Variants in DIRAS2 observed in about 807,000 individuals in gnomAD.
The protein encoded by DIRAS2 is DIRAS family GTPase 2.
DIRAS2 carries 5 observed loss-of-function variants against 13.9 expected under a neutral mutation model. The ratio of observed to expected loss-of-function variants is 0.36; its 90% CI spans 0.19 to 0.76. The LOEUF is 0.76. Ranked by LOEUF, DIRAS2 falls within the 30% of genes least tolerant of loss-of-function variation. DIRAS2 has a pLI of 0.53. For synonymous variants in DIRAS2, 111 were observed against 105.4 expected (o/e 1.05, Z -0.33); for missense variants, 191 against 263.0 (o/e 0.73, Z 1.89).
intron 1 of DIRAS2, among the ~76,000 whole-genome samples, chr9:90,641,434 A>G (rs1439186261): frequency 6.6e-6 from 1 of 152,116 alleles, no homozygotes; most frequent in East Asian, 1.9e-4. Flanking sequence ...ATTAAATGCC[A>G]TATGTTAAAT....
At chr9:90,620,280 TA>T (rs1825208003) in intron 1 of DIRAS2, among the ~76,000 whole-genome samples, 1 of 152,170 alleles carries the variant, frequency 6.6e-6, no homozygotes, top group Non-Finnish European at 1.5e-5. Context: ...TTCACACATA[TA>T]GAGCATCAGG....
intron 1 of DIRAS2, among the ~76,000 whole-genome samples, chr9:90,638,661 T>TGC (rs990520291): frequency 2.1e-5 from 3 of 145,624 alleles, no homozygotes; most frequent in Non-Finnish European, 4.6e-5. Flanking sequence ...TGTGTGTGTG[T>TGC]GCACGTAATT....
chr9:90,614,084 C>G (rs1825142973), intron 1 of DIRAS2, among the ~76,000 whole-genome samples: 1 of 152,102 alleles, frequency 6.6e-6, no homozygotes, highest in Admixed American at 6.6e-5. Flanking sequence ...TTTATTGGAC[C>G]ATGACAATGA....
intron 1 of DIRAS2, among the ~76,000 whole-genome samples, chr9:90,622,844 C>T (rs552243545): frequency 2.0e-5 from 3 of 152,122 alleles, no homozygotes; most frequent in South Asian, 2.1e-4. Context: ...GAGGGCTGGG[C>T]GGGGAGAGAC....
At chr9:90,638,458 T>C (rs767553336) in intron 1 of DIRAS2, among the ~76,000 whole-genome samples, 1 of 152,222 alleles carries the variant, frequency 6.6e-6, no homozygotes, top group Non-Finnish European at 1.5e-5. Flanking sequence ...CTAATGTCAG[T>C]TTTACATTTT....
At chr9:90,624,889 C>T (rs80145145) in intron 1 of DIRAS2, among the ~76,000 whole-genome samples, 2,395 of 152,222 alleles carry the variant, frequency 0.016, 70 homozygotes, top group African/African-American at 0.055. Context: ...AGCCTCCCGA[C>T]GTGTTGGGCT....
At chr9:90,630,691 C>T (rs1825317061) in intron 1 of DIRAS2, among the ~76,000 whole-genome samples, 1 of 152,150 alleles carries the variant, frequency 6.6e-6, no homozygotes, top group African/African-American at 2.4e-5. Flanking sequence ...TTCTTTTATA[C>T]AAAAAGCGCT....
At chr9:90,630,760 G>A (rs1825317591) in intron 1 of DIRAS2, among the ~76,000 whole-genome samples, 1 of 152,220 alleles carries the variant, frequency 6.6e-6, no homozygotes, top group Non-Finnish European at 1.5e-5. Flanking sequence ...CTATATAGCA[G>A]AGCAGGTATT....
At chr9:90,625,632 G>A (rs1020525319) in intron 1 of DIRAS2, among the ~76,000 whole-genome samples, 15 of 152,226 alleles carry the variant, frequency 9.9e-5, no homozygotes, top group African/African-American at 3.6e-4. Context: ...CAACTATAAA[G>A]GTGAGTTTAT....
chr9:90,637,061 C>T (rs1488396671), intron 1 of DIRAS2, among the ~76,000 whole-genome samples: 4 of 152,204 alleles, frequency 2.6e-5, no homozygotes, highest in African/African-American at 9.6e-5. Flanking sequence ...GGCTCACTGC[C>T]ACTGCCCAGC....
At chr9:90,629,760 T>C (rs1178379055) in intron 1 of DIRAS2, among the ~76,000 whole-genome samples, 1 of 152,226 alleles carries the variant, frequency 6.6e-6, no homozygotes, top group African/African-American at 2.4e-5. Context: ...TAAATAGCTG[T>C]TATGCTGCAT....
intron 1 of DIRAS2, among the ~76,000 whole-genome samples, chr9:90,632,593 T>A (rs1432376137): frequency 6.6e-6 from 1 of 152,230 alleles, no homozygotes; most frequent in Non-Finnish European, 1.5e-5. Context: ...TTAAAAAATT[T>A]GTGTTTAATT....
intron 1 of DIRAS2, among the ~76,000 whole-genome samples, chr9:90,631,766 G>A (rs771083810): frequency 2.0e-5 from 3 of 152,062 alleles, no homozygotes; most frequent in Admixed American, 6.5e-5. Context: ...TAAAACTGCC[G>A]GCTCATATAC....
rs568935862 is a variant in DIRAS2, at chr9:90,622,845, G to A, written c.-36-8982C>T. Among the ~76,000 whole-genome samples, 9 of 152,234 alleles carry A rather than the reference G, an allele frequency of 5.9e-5. No individual in the cohort carries two copies. The East Asian group carries it at 1.3e-3, about 23-fold the overall frequency. On this transcript the variant is annotated intron_variant, in intron 1 of 1. Coordinates refer to ENST00000375765, the MANE Select transcript of DIRAS2 (RefSeq NM_017594.5). ...CGAAATTGCTTTTTGAGGGCTGGGC[G>A]GGGAGAGACGGGATAAAAACCCAAT...
In DIRAS2 at chr9:90,613,643, G is replaced by GT. The variant is rs779105115; in HGVS notation, c.184dup (p.Thr62AsnfsTer63). On this transcript the variant is annotated frameshift_variant, in exon 2 of 2. Transcript: ENST00000375765. LOFTEE classifies it high-confidence loss of function. This position sits in a 1 kb window ranked among gnomAD's most constrained non-coding sequence, Gnocchi z 5.6. ...GGCCGGGAACTGGTGGCTCCCCGTCGTGTCGGTGATCTGCAATGTGCATAT... is the reference window on the plus strand; with the variant it reads ...GGCCGGGAACTGGTGGCTCCCCGTCGTTGTCGGTGATCTGCAATGTGCATAT... The GT allele has an allele frequency of 6.2e-7, 1 of 1,614,146 alleles. No individual in the cohort carries two copies. The highest frequency in any genetic ancestry group is 1.1e-5 in the South Asian group (1 of 91,082).
intron 1 of DIRAS2, among the ~76,000 whole-genome samples, chr9:90,627,959 C>T (rs1825287326): frequency 6.6e-6 from 1 of 151,860 alleles, no homozygotes; most frequent in Non-Finnish European, 1.5e-5. Flanking sequence ...AGCAAACCAC[C>T]ATGGCACGTG....
At chr9:90,632,784 G>T (rs1312539364) in intron 1 of DIRAS2, among the ~76,000 whole-genome samples, 1 of 152,184 alleles carries the variant, frequency 6.6e-6, no homozygotes, top group Non-Finnish European at 1.5e-5. Context: ...ACTTGCCTTA[G>T]GCCAGAACAA....
chr9:90,618,069 C>T (rs781139590), intron 1 of DIRAS2, among the ~76,000 whole-genome samples: 10 of 152,040 alleles, frequency 6.6e-5, no homozygotes, highest in Non-Finnish European at 1.0e-4. Context: ...AAACCGATCC[C>T]AAAATTTATG....
chr9:90,632,091 T>C (rs1469550572), intron 1 of DIRAS2, among the ~76,000 whole-genome samples: 1 of 152,208 alleles, frequency 6.6e-6, no homozygotes, highest in Non-Finnish European at 1.5e-5. Context: ...ATCACTTACC[T>C]GCATGACTGC....
Sources: gnomAD v4.1 joint callset for allele counts (sites outside exome capture counted in the v4.1 genomes callset) on GRCh38, gnomAD v4.1.1 for gene constraint, Gnocchi (gnomAD v3.1) non-coding constraint, MANE v1.5 for transcripts, NCBI Gene and HGNC (gene_info 2026-07-23, HGNC 2026-07-21) for gene names.